Variants in CEP164 observed in about 807,000 individuals in gnomAD.
The protein encoded by CEP164 is centrosomal protein 164.
A neutral mutation model predicts 182.7 loss-of-function variants in CEP164; 162 were observed. The ratio of observed to expected loss-of-function variants is 0.89; its 90% CI spans 0.78 to 1.01. The LOEUF is 1.01. Ranked by LOEUF, CEP164 falls within the 50% of genes least tolerant of loss-of-function variation. CEP164 has a pLI of 0.00. For synonymous variants in CEP164, 661 were observed against 690.0 expected, an observed-to-expected ratio of 0.96 and a Z score of 0.66; for missense variants, 1,735 against 1,790.4, an observed-to-expected ratio of 0.97 and a Z score of 0.56.
chr11:117,339,339 G>A (rs1193032887), intron 3 of CEP164, among the ~76,000 whole-genome samples: 1 of 152,098 alleles, frequency 6.6e-6, no homozygotes. Context: ...ATAGTAGGGG[G>A]TATCTAAATA....
At chr11:117,359,156 C>A (rs1320844102) in intron 5 of CEP164, among the ~76,000 whole-genome samples, 1 of 152,118 alleles carries the variant, frequency 6.6e-6, no homozygotes, top group Non-Finnish European at 1.5e-5. Flanking sequence ...ATTGGTCAGG[C>A]TGGTCTTGAA....
At position 117,356,339 on chromosome 11, in the gene CEP164, G is replaced by A. The variant is rs1240102854; in HGVS notation, c.393+4351G>A. 4.3e-6 allele frequency: 5 copies of A among 1,161,410 alleles called. No individual in the cohort carries two copies. In the South Asian group the frequency reaches 4.9e-5, roughly 11 times the overall value. The allele number at this position is 1,161,410 out of a possible 1,614,324, so 71.9% of individuals were successfully genotyped here. ...GCAGGACATGCCGTGCAGACACAGCGCCAGCACAGTCTGTTGCATGGCAGC... is the reference window on the plus strand; with the variant it reads ...GCAGGACATGCCGTGCAGACACAGCACCAGCACAGTCTGTTGCATGGCAGC... On this transcript the variant is annotated intron_variant, in intron 5 of 32. Transcript: ENST00000278935.
intron 16 of CEP164, 23 bp downstream of exon 16, chr11:117,390,931 G>A (rs2044567065): frequency 1.2e-6 from 2 of 1,613,954 alleles, no homozygotes; most frequent in Non-Finnish European, 1.7e-6. Flanking sequence ...TTACCTGTGA[G>A]CTGCCCAGCC....
At chr11:117,368,014 C>T (rs948243657) in intron 8 of CEP164, among the ~76,000 whole-genome samples, 6 of 152,144 alleles carry the variant, frequency 3.9e-5, no homozygotes, top group Non-Finnish European at 8.8e-5. Flanking sequence ...GCCTCAGCTC[C>T]GATCTTTTTA....
At chr11:117,365,947 T>C (rs1053635419) in intron 8 of CEP164, among the ~76,000 whole-genome samples, 3 of 152,114 alleles carry the variant, frequency 2.0e-5, no homozygotes, top group Non-Finnish European at 4.4e-5. Context: ...GTGGGGACTT[T>C]TAAACATTTT....
rs760189135 is a variant in CEP164, at chr11:117,363,475, T to C, written c.734T>C (p.Ile245Thr). 4.3e-6 allele frequency: 7 copies of C among 1,614,084 alleles called. No homozygotes were observed. Among genetic ancestry groups the C allele is most frequent in the South Asian group, 1.1e-5 (1 of 91,080 alleles). ...SEPLRNLHLDIGALGGDFEYE... is the reference protein window; with the variant it reads ...SEPLRNLHLDTGALGGDFEYE... ...CCTCTTAGGAACCTACACCTGGACATTGGGGCACTGGGGGGTGACTTTGAG... is the reference window on the plus strand; with the variant it reads ...CCTCTTAGGAACCTACACCTGGACACTGGGGCACTGGGGGGTGACTTTGAG... The change falls in exon 8 of 33, where the codon ATT becomes ACT. Residue 245 changes from isoleucine to threonine, a missense_variant. By Grantham distance (89) the Ile-to-Thr change is moderately conservative. Transcript: ENST00000278935.
chr11:117,336,500 G>A, intron 2 of CEP164: 3 of 1,517,048 alleles, frequency 2.0e-6, no homozygotes, highest in Non-Finnish European at 2.7e-6. Context: ...GGAACTCCTA[G>A]GGGAGGAGGA....
intron 5 of CEP164, among the ~76,000 whole-genome samples, chr11:117,361,628 T>TA (rs1262209292): frequency 1.3e-5 from 2 of 152,138 alleles, no homozygotes; most frequent in African/African-American, 4.8e-5. Flanking sequence ...GCATGAGACT[T>TA]ATGAGAATCA....
At position 117,411,803 on chromosome 11, in the gene CEP164, T is replaced by C. The variant is rs1274336690; in HGVS notation, c.4172T>C (p.Leu1391Pro). The C allele has an allele frequency of 1.9e-6, 3 of 1,614,146 alleles. No individual in the cohort carries two copies. In the South Asian group the frequency reaches 3.3e-5, roughly 18 times the overall value. The change falls in exon 32 of 33, where the codon CTC (leucine) becomes CCC (proline). Residue 1391 changes from leucine (L) to proline (P), a missense_variant. Coordinates refer to ENST00000278935, the MANE Select transcript of CEP164 (RefSeq NM_014956.5). The surrounding 1 kb of genome is among the most constrained non-coding windows in gnomAD (Gnocchi z 4.4). The stretch of plus-strand genomic sequence containing the variant: ...CTCCTCTTCCTTCCCAGTGAGCAGC[T>C]CCGGCTCCTACAGCACTCCCATTCG... ...RLGYMSASEQLRLLQHSHSQV... is the reference protein window; with the variant it reads ...RLGYMSASEQPRLLQHSHSQV...
Position 117,409,852 on chromosome 11 carries a change from C to T in CEP164, c.3983C>T (p.Thr1328Ile). 2.0e-6 allele frequency: 3 copies of T among 1,533,508 alleles called. No homozygotes were observed. The highest frequency in any genetic ancestry group is 2.5e-5 in the East Asian group (1 of 39,466). 95.0% of individuals were successfully genotyped at this position (1,533,508 alleles called of 1,614,324 possible). The change falls in exon 30 of 33, where the codon ACA becomes ATA. Residue 1328 changes from threonine to isoleucine, a missense_variant. Transcript: ENST00000278935. This position sits in a 1 kb window ranked among gnomAD's most constrained non-coding sequence, Gnocchi z 4.4. The part of the protein sequence containing the change: ...LARFSALSSA[T>I]PTSTQWAWDS... ...AGGTTCTCAGCCTTATCATCTGCTA[C>T]ACCCACGTCCACCCAATGGGCCTGG...
In CEP164 at chr11:117,397,194, C is replaced by G. The variant is rs2136502331; in HGVS notation, c.3382C>G (p.Gln1128Glu). The G allele has an allele frequency of 1.3e-5, 21 of 1,614,246 alleles. No individual in the cohort carries two copies. The highest frequency in any genetic ancestry group is 1.7e-5 in the Non-Finnish European group (20 of 1,180,046). ...VQQTRSMRRR[Q>E]TALKAAQQHW... ...GCAGACACGCTCCATGCGGAGGCGG[C>G]AGACAGCTCTGAAAGCTGCCCAGCA... Residue 1128 changes from glutamine to glutamate, a missense_variant, in exon 27 of 33, where the codon CAG (glutamine) becomes GAG (glutamate). Gln to Glu is a conservative substitution (Grantham distance 29). Coordinates refer to ENST00000278935, the MANE Select transcript of CEP164 (RefSeq NM_014956.5).
chr11:117,385,092 T>G (rs1455744948), intron 14 of CEP164: 3 of 152,154 alleles, frequency 2.0e-5, no homozygotes, highest in Non-Finnish European at 4.4e-5. Context: ...CATTTCACAG[T>G]GTTTCTAGGT....
At chr11:117,361,062 G>A (rs1373211536) in intron 5 of CEP164, among the ~76,000 whole-genome samples, 5 of 150,762 alleles carry the variant, frequency 3.3e-5, no homozygotes, top group Non-Finnish European at 4.4e-5. Context: ...AGCCTCCTGA[G>A]TATCTGGGAT....
At chr11:117,367,578 G>A (rs1044577405) in intron 8 of CEP164, among the ~76,000 whole-genome samples, 6 of 152,114 alleles carry the variant, frequency 3.9e-5, no homozygotes, top group Admixed American at 3.9e-4. Flanking sequence ...ACAACGTGCA[G>A]GTTTGTTACA....
At position 117,392,962 on chromosome 11, in the gene CEP164, G is replaced by A. The variant is rs199967110; in HGVS notation, c.2494-42G>A. ...TGCAGCAGGCCCTGAGTGCTGGTCC[G>A]CCTCGGTTCTTCATGCCACATCCCT... On this transcript the variant is annotated intron_variant, in intron 19 of 32. Coordinates refer to ENST00000278935, the MANE Select transcript of CEP164 (RefSeq NM_014956.5). 1.0e-4 allele frequency: 165 copies of A among 1,609,268 alleles called. No homozygotes were observed. In the African/African-American group the frequency reaches 1.8e-3, roughly 17 times the overall value.
intron 30 of CEP164, 139 bp downstream of exon 30, chr11:117,410,104 G>T (rs1027243792): frequency 3.6e-6 from 3 of 829,470 alleles, no homozygotes; most frequent in South Asian, 1.4e-5. Context: ...CTCCCCCAAC[G>T]TTACCATAGT....
Position 117,411,669 on chromosome 11 carries a change from T to C in CEP164, c.4164-126T>C. The C allele has an allele frequency of 7.4e-7, 1 of 1,353,300 alleles. No individual in the cohort carries two copies. Among genetic ancestry groups the C allele is most frequent in the African/African-American group, 1.4e-5 (1 of 68,978 alleles). The allele number at this position is 1,353,300 out of a possible 1,614,324, so 83.8% of individuals were successfully genotyped here. ...TTGAAGCTTTGAATTGCTAGGGACC[T>C]CGGAGAAGCTGCTCTGGTAGCTGAG... On this transcript the variant is annotated intron_variant, in intron 31 of 32. Coordinates refer to ENST00000278935, the MANE Select transcript of CEP164 (RefSeq NM_014956.5). The surrounding 1 kb of genome is among the most constrained non-coding windows in gnomAD (Gnocchi z 4.4).
intron 27 of CEP164, among the ~76,000 whole-genome samples, chr11:117,403,825 C>G (rs2046399883): frequency 1.3e-5 from 2 of 151,978 alleles, no homozygotes; most frequent in South Asian, 4.2e-4. Context: ...TCACATAGTC[C>G]CATATTTCTT....
chr11:117,379,246 G>A (rs552220151), intron 11 of CEP164, among the ~76,000 whole-genome samples: 4 of 152,340 alleles, frequency 2.6e-5, no homozygotes, highest in African/African-American at 9.6e-5. Context: ...TATTTTTAAT[G>A]TAATTTGGGG....
Sources: gnomAD v4.1 joint callset for allele counts (sites outside exome capture counted in the v4.1 genomes callset) on GRCh38, gnomAD v4.1.1 for gene constraint, Gnocchi (gnomAD v3.1) non-coding constraint, MANE v1.5 for transcripts, NCBI Gene and HGNC (gene_info 2026-07-23, HGNC 2026-07-21) for gene names.